Variants in SOX5 observed in about 807,000 individuals in gnomAD.
SOX5 encodes the protein transcription factor SOX-5.
In SOX5, 9 loss-of-function variants were observed where a neutral mutation model predicts 92.0. The ratio of observed to expected loss-of-function variants is 0.10; its 90% CI spans 0.06 to 0.17. The LOEUF is 0.17. Ranked by LOEUF, SOX5 falls within the 10% of genes least tolerant of loss-of-function variation. The pLI, the probability that SOX5 is intolerant of heterozygous loss-of-function variation, is 1.00. For missense variants in SOX5, 642 were observed against 944.5 expected (o/e 0.68, Z 4.20); for synonymous variants, 344 against 336.3 (o/e 1.02, Z -0.25).
chr12:23,647,605 T>C (rs1261434411), intron 7 of SOX5, among the ~76,000 whole-genome samples: 1 of 152,214 alleles, frequency 6.6e-6, no homozygotes, highest in Non-Finnish European at 1.5e-5. Context: ...TTTGCATCAA[T>C]GACCTTAGAC....
At chr12:23,776,816 T>G (rs1479179340) in intron 3 of SOX5, among the ~76,000 whole-genome samples, 1 of 152,020 alleles carries the variant, frequency 6.6e-6, no homozygotes, top group Non-Finnish European at 1.5e-5. Flanking sequence ...CAGGCAGTCA[T>G]GCTCGCCCGC....
At chr12:24,165,840 G>C (rs1451196234) in intron 4 of SOX5, among the ~76,000 whole-genome samples, 1 of 152,102 alleles carries the variant, frequency 6.6e-6, no homozygotes, top group African/African-American at 2.4e-5. Context: ...TTGAAGCCAT[G>C]CTAAGGAGTT....
At chr12:23,608,904 A>T (rs1242145255) in intron 8 of SOX5, among the ~76,000 whole-genome samples, 1 of 152,236 alleles carries the variant, frequency 6.6e-6, no homozygotes, top group Non-Finnish European at 1.5e-5. Flanking sequence ...CAGAGGAGAG[A>T]GAAAGTGTAC....
At chr12:24,438,795 T>C (rs146920400) in intron 1 of SOX5, among the ~76,000 whole-genome samples, 78 of 152,344 alleles carry the variant, frequency 5.1e-4, no homozygotes, top group Non-Finnish European at 8.8e-4. Flanking sequence ...GAGTTGCTTC[T>C]TATAGATGAA....
intron 4 of SOX5, among the ~76,000 whole-genome samples, chr12:24,175,289 T>C (rs1954680802): frequency 6.6e-6 from 1 of 152,230 alleles, no homozygotes; most frequent in South Asian, 2.1e-4. Flanking sequence ...GATTGTGTAA[T>C]ATCTAAGTGG....
At chr12:23,582,641 T>C (rs755011181) in intron 9 of SOX5, among the ~76,000 whole-genome samples, 3 of 152,102 alleles carry the variant, frequency 2.0e-5, no homozygotes, top group Non-Finnish European at 4.4e-5. Context: ...AATTCTTTGA[T>C]AGGTATGCTT....
intron 1 of SOX5, among the ~76,000 whole-genome samples, chr12:23,941,013 A>G (rs1366580357): frequency 6.6e-6 from 1 of 151,514 alleles, no homozygotes; most frequent in Non-Finnish European, 1.5e-5. Flanking sequence ...TCTGAGCTGC[A>G]AACAAGAAAA....
At chr12:23,932,568 AAAAG>A (rs1274393282) in intron 1 of SOX5, among the ~76,000 whole-genome samples, 1 of 151,714 alleles carries the variant, frequency 6.6e-6, no homozygotes, top group Admixed American at 6.6e-5. Context: ...AGTGAATCAG[AAAAG>A]AAAGAAATAG....
intron 1 of SOX5, among the ~76,000 whole-genome samples, chr12:24,533,257 A>G (rs909412601): frequency 1.3e-5 from 2 of 152,186 alleles, no homozygotes; most frequent in Non-Finnish European, 2.9e-5. Flanking sequence ...AAAGATGCCA[A>G]TTCCCTAAAT....
At chr12:23,796,379 A>G (rs2095561104) in intron 3 of SOX5, among the ~76,000 whole-genome samples, 1 of 152,152 alleles carries the variant, frequency 6.6e-6, no homozygotes. Flanking sequence ...GGAAAAGGGT[A>G]AAAGAGAAGT....
chr12:23,653,026 AGATAGATGGATG>A (rs1167486466), intron 7 of SOX5, among the ~76,000 whole-genome samples: 6 of 84,144 alleles, frequency 7.1e-5, no homozygotes, highest in African/African-American at 3.2e-4. Context: ...ATGAATGTAC[AGATAGATGGATG>A]GATGGATGGA....
chr12:23,813,532 A>G (rs979076581), intron 3 of SOX5, among the ~76,000 whole-genome samples: 1 of 152,172 alleles, frequency 6.6e-6, no homozygotes, highest in Admixed American at 6.5e-5. Flanking sequence ...AAGTAAATAC[A>G]CAGAAAGAAG....
chr12:24,344,318 A>C (rs2141100316), intron 2 of SOX5, among the ~76,000 whole-genome samples: 1 of 149,650 alleles, frequency 6.7e-6, no homozygotes, highest in East Asian at 2.0e-4. Flanking sequence ...AAATCAAGTA[A>C]GATACAAATG....
At chr12:24,016,972 G>C (rs1421158569) in intron 4 of SOX5, among the ~76,000 whole-genome samples, 1 of 152,094 alleles carries the variant, frequency 6.6e-6, no homozygotes, top group African/African-American at 2.4e-5. Flanking sequence ...CTCATCCAAA[G>C]AATTCACTGA....
intron 6 of SOX5, among the ~76,000 whole-genome samples, chr12:23,700,258 C>T (rs892754218): frequency 1.3e-5 from 2 of 152,076 alleles, no homozygotes; most frequent in African/African-American, 4.8e-5. Context: ...TCAGGTTAAG[C>T]TCCACCATCT....
chr12:23,984,768 T>C (rs1219903030), intron 4 of SOX5, among the ~76,000 whole-genome samples: 1 of 152,220 alleles, frequency 6.6e-6, no homozygotes, highest in Admixed American at 6.5e-5. Flanking sequence ...ACTAAATGCT[T>C]AAGTTTGACT....
chr12:24,061,345 A>G (rs1434655483), intron 4 of SOX5, among the ~76,000 whole-genome samples: 1 of 152,066 alleles, frequency 6.6e-6, no homozygotes, highest in Admixed American at 6.6e-5. Context: ...AGCAGTCCCA[A>G]TTAGCTTCTC....
At chr12:24,523,731 A>G (rs1813445602) in intron 1 of SOX5, among the ~76,000 whole-genome samples, 1 of 152,220 alleles carries the variant, frequency 6.6e-6, no homozygotes, top group South Asian at 2.1e-4. Flanking sequence ...ATCAGACACA[A>G]AAAAATCAAC....
chr12:24,268,640 A>C (rs1176737957), intron 3 of SOX5, among the ~76,000 whole-genome samples: 1 of 152,226 alleles, frequency 6.6e-6, no homozygotes, highest in Non-Finnish European at 1.5e-5. Flanking sequence ...ATGTTACAAG[A>C]GAAATGTGGA....
Sources: allele counts gnomAD v4.1 joint callset (sites outside exome capture counted in the v4.1 genomes callset), GRCh38; gene constraint gnomAD v4.1.1; transcripts MANE v1.5; gene names NCBI Gene and HGNC (gene_info 2026-07-23, HGNC 2026-07-21).